Variants in PIKFYVE observed in about 807,000 individuals in gnomAD.
The protein encoded by PIKFYVE is 1-phosphatidylinositol 3-phosphate 5-kinase.
A neutral mutation model predicts 257.9 loss-of-function variants in PIKFYVE; 122 were observed. The ratio of observed to expected loss-of-function variants is 0.47; its 90% CI spans 0.41 to 0.55. PIKFYVE has a LOEUF of 0.55. Among genes scored for constraint, PIKFYVE ranks in the 20% least tolerant of loss-of-function variants. PIKFYVE has a pLI of 0.00. For missense variants in PIKFYVE, 2,160 were observed against 2,536.6 expected (o/e 0.85, Z 3.19); for synonymous variants, 892 against 868.9 (o/e 1.03, Z -0.47).
Position 208,314,387 on chromosome 2 carries a change from A to C in PIKFYVE, c.1790A>C (p.Glu597Ala). 6.2e-7 allele frequency: 1 copy of C among 1,613,990 alleles called. No individual in the cohort carries two copies. Among genetic ancestry groups the C allele is most frequent in the Non-Finnish European group, 8.5e-7 (1 of 1,179,922 alleles). Residue 597 changes from glutamate (E) to alanine (A), a missense_variant, in exon 14 of 42, where the codon GAG (glutamate) becomes GCG (alanine). Physicochemically the swap from Glu to Ala is moderately radical, Grantham distance 107. Transcript: ENST00000264380. ...CATAACAACCTGGAGCTCCTGAGGG[A>C]GGAGAATGGGGAGAAACAAGCCATG... ...WHHNNLELLR[E>A]ENGEKQAMER... is the part of the protein sequence containing the mutation.
At chr2:208,324,359 C>A in intron 18 of PIKFYVE, 77 bp downstream of exon 18, 1 of 1,469,922 alleles carries the variant, frequency 6.8e-7, no homozygotes. Context: ...GGTAGGTATA[C>A]AAGAATCTTT....
intron 1 of PIKFYVE, chr2:208,269,682 C>T (rs975358453): frequency 3.2e-5 from 8 of 248,174 alleles, no homozygotes; most frequent in Middle Eastern, 8.8e-4. Flanking sequence ...GGGCCCCCAT[C>T]ATGTCCCCAA....
chr2:208,304,071 G>A, intron 10 of PIKFYVE, 100 bp from the exon 11 acceptor site: 9 of 1,380,872 alleles, frequency 6.5e-6, no homozygotes, highest in African/African-American at 5.7e-5. Context: ...CAATTGTTAG[G>A]TTCATAGAAA....
intron 2 of PIKFYVE, among the ~76,000 whole-genome samples, chr2:208,272,204 C>T (rs6754478): frequency 0.96 from 145,735 of 151,876 alleles, 70,073 homozygotes; most frequent in East Asian, 1. Flanking sequence ...GACTGTACTC[C>T]AGCCTGGGTG....
At chr2:208,307,688 TG>T (rs1177552001) in intron 12 of PIKFYVE, among the ~76,000 whole-genome samples, 1 of 152,168 alleles carries the variant, frequency 6.6e-6, no homozygotes, top group African/African-American at 2.4e-5. Flanking sequence ...TGGTGGTGAC[TG>T]GGCCACCAGC....
chr2:208,316,948 G>A (rs908203968), intron 15 of PIKFYVE, among the ~76,000 whole-genome samples: 6 of 152,268 alleles, frequency 3.9e-5, no homozygotes, highest in Admixed American at 1.3e-4. Flanking sequence ...AGCTGAAACT[G>A]GATTCCTTCC....
Position 208,335,378 on chromosome 2 carries a change from A to T in PIKFYVE, c.4215A>T (p.Leu1405Phe), listed in dbSNP as rs35944808. ...PKIFIKRQAPLKVSLLQDLKD... is the reference protein window; with the variant it reads ...PKIFIKRQAPFKVSLLQDLKD... ...TATTCATTAAGCGTCAGGCCCCATT[A>T]AAAGTGTCCCTTCTTCAGGATCTGA... The change falls in exon 25 of 42, where the codon TTA becomes TTT. Residue 1405 changes from leucine (L) to phenylalanine (F), a missense_variant. Physicochemically the swap from Leu to Phe is conservative, Grantham distance 22. Coordinates refer to ENST00000264380, the MANE Select transcript of PIKFYVE (RefSeq NM_015040.4). 1 of 1,612,108 alleles carries T rather than the reference A, an allele frequency of 6.2e-7. No individual in the cohort carries two copies. Among genetic ancestry groups the T allele is most frequent in the African/African-American group, 1.3e-5 (1 of 74,876 alleles).
chr2:208,352,575 C>A, intron 38 of PIKFYVE, 79 bp from the exon 39 acceptor site: 1 of 1,501,100 alleles, frequency 6.7e-7, no homozygotes, highest in Non-Finnish European at 9.1e-7. Flanking sequence ...TCAGTTATTA[C>A]ATGGATAATC....
At chr2:208,305,516 T>A (rs1694218961) in intron 12 of PIKFYVE, 1 of 845,776 alleles carries the variant, frequency 1.2e-6, no homozygotes, top group African/African-American at 1.8e-5. Flanking sequence ...GTATATTCTA[T>A]ATTTATTAAA....
chr2:208,270,039 T>A (rs1395978290), intron 1 of PIKFYVE: 1 of 144,854 alleles, frequency 6.9e-6, no homozygotes. Context: ...ACTACAGTAT[T>A]TTTTTTTTTT....
In PIKFYVE at chr2:208,325,854, T is replaced by G. The variant is rs1559131348; in HGVS notation, c.3043T>G (p.Phe1015Val). Residue 1015 changes from phenylalanine to valine, a missense_variant, in exon 20 of 42, where the codon TTT (phenylalanine) becomes GTT (valine). Physicochemically the swap from Phe to Val is conservative, Grantham distance 50. This residue lies in a region of PIKFYVE where 522 missense variants were observed against 514.6 expected (regional missense o/e 1.01). Coordinates refer to ENST00000264380, the MANE Select transcript of PIKFYVE (RefSeq NM_015040.4). ...LQDPKSQIRA[F>V]RDPLQDDTGL... is the part of the protein sequence containing the mutation. ...GGATCCCAAAAGCCAGATAAGAGCC[T>G]TTAGAGACCCTCTACAGGATGACAC... 1 of 1,614,056 alleles carries G rather than the reference T, an allele frequency of 6.2e-7. No individual in the cohort carries two copies. Among genetic ancestry groups the G allele is most frequent in the East Asian group, 2.2e-5 (1 of 44,866 alleles).
intron 24 of PIKFYVE, among the ~76,000 whole-genome samples, chr2:208,334,959 G>A (rs1697970281): frequency 6.6e-6 from 1 of 152,122 alleles, no homozygotes; most frequent in Non-Finnish European, 1.5e-5. Context: ...GAATCTTCAG[G>A]AGGTGGAAAG....
chr2:208,321,582 T>C lies in PIKFYVE; in HGVS notation c.2190+1223T>C, dbSNP rs1331629882. Among the ~76,000 whole-genome samples the C allele has an allele frequency of 9.4e-5, 14 of 148,470 alleles. 2 individuals carry two copies. In the South Asian group the frequency reaches 2.1e-3, roughly 22 times the overall value. On this transcript the variant is annotated intron_variant, in intron 17 of 41. Coordinates refer to ENST00000264380, the MANE Select transcript of PIKFYVE (RefSeq NM_015040.4). ...TTCTTTTTCTTTTCTTTTGTTTTTT[T>C]TTTTTTTTTTTTGAGACGAAGTCTC... is the stretch of plus-strand genomic sequence containing the variant.
At chr2:208,302,588 A>G (rs1021940360) in intron 10 of PIKFYVE, 5 of 483,538 alleles carry the variant, frequency 1.0e-5, no homozygotes, top group African/African-American at 2.0e-5. Context: ...AAAAAAGGAA[A>G]AAGATAATCA....
At chr2:208,284,574 A>G (rs1290440896) in intron 5 of PIKFYVE, among the ~76,000 whole-genome samples, 2 of 150,498 alleles carry the variant, frequency 1.3e-5, no homozygotes, top group African/African-American at 4.9e-5. Flanking sequence ...ACTTTTTTTT[A>G]TAATAATTCT....
At chr2:208,272,222 G>T (rs1275959840) in intron 2 of PIKFYVE, among the ~76,000 whole-genome samples, 1 of 150,886 alleles carries the variant, frequency 6.6e-6, no homozygotes, top group African/African-American at 2.4e-5. Context: ...GTGACAGAGC[G>T]TGACTCCATC....
chr2:208,351,381 C>T lies in PIKFYVE; in HGVS notation c.5641C>T (p.Arg1881Cys), dbSNP rs962586024. 17 of 1,613,590 alleles carry T rather than the reference C, an allele frequency of 1.1e-5. No individual in the cohort carries two copies. Among genetic ancestry groups the T allele is most frequent in the Non-Finnish European group, 1.4e-5 (17 of 1,179,654 alleles). ...DDRFILKQMP[R>C]LEVQSFLDFA... ...TAGATTTATTTTGAAGCAAATGCCTCGTCTGGAAGTCCAGTCCTTCCTCGA... is the reference window on the plus strand; with the variant it reads ...TAGATTTATTTTGAAGCAAATGCCTTGTCTGGAAGTCCAGTCCTTCCTCGA... Residue 1881 changes from arginine to cysteine, a missense_variant, in exon 38 of 42, where the codon CGT becomes TGT. By Grantham distance (180) the Arg-to-Cys change is radical. Transcript: ENST00000264380.
chr2:208,309,991 C>T (rs1694771270), intron 12 of PIKFYVE, among the ~76,000 whole-genome samples: 1 of 152,164 alleles, frequency 6.6e-6, no homozygotes, highest in Non-Finnish European at 1.5e-5. Context: ...CATTTGCAGT[C>T]TTATAATTTG....
intron 7 of PIKFYVE, among the ~76,000 whole-genome samples, chr2:208,291,903 G>T (rs1692362689): frequency 6.6e-6 from 1 of 151,994 alleles, no homozygotes; most frequent in Non-Finnish European, 1.5e-5. Context: ...ATTGATTTTA[G>T]ATCTTCTTTT....
Sources: allele counts gnomAD v4.1 joint callset (sites outside exome capture counted in the v4.1 genomes callset), GRCh38; gene constraint gnomAD v4.1.1; regional missense constraint gnomAD v4.1.1; transcripts MANE v1.5; gene names NCBI Gene and HGNC (gene_info 2026-07-23, HGNC 2026-07-21).